The following PCDHA9 variants were observed in gnomAD, a reference collection of about 807,000 sequenced individuals.
The protein encoded by PCDHA9 is protocadherin alpha 9.
A neutral mutation model predicts 62.0 loss-of-function variants in PCDHA9; 62 were observed. That is an observed-to-expected ratio of 1.00 (90% CI 0.81 to 1.23). PCDHA9 has a LOEUF of 1.23. Among genes scored for constraint, PCDHA9 ranks in the 50% most tolerant of loss-of-function variants. The pLI is 0.00. For missense variants in PCDHA9, 1,205 were observed against 1,249.8 expected, an observed-to-expected ratio of 0.96 and a Z score of 0.54; for synonymous variants, 557 against 567.6, an observed-to-expected ratio of 0.98 and a Z score of 0.27.
chr5:140,882,582 A>G (rs1554174663), intron 1 of PCDHA9: 1 of 1,614,114 alleles, frequency 6.2e-7, no homozygotes, highest in East Asian at 2.2e-5. Context: ...TGCAGCATCC[A>G]CCTGGAGGTG....
intron 1 of PCDHA9, among the ~76,000 whole-genome samples, chr5:140,922,818 C>T (rs530870255): frequency 6.6e-6 from 1 of 152,208 alleles, no homozygotes; most frequent in Admixed American, 6.5e-5. Flanking sequence ...GGAGATACAG[C>T]ATACTGCTAA....
chr5:141,011,104 C>G lies in PCDHA9; in HGVS notation c.*1167C>G, dbSNP rs1396728499. The G allele has an allele frequency of 6.5e-6, 1 of 153,844 alleles. No homozygotes were observed. Among genetic ancestry groups the G allele is most frequent in the Non-Finnish European group, 1.5e-5 (1 of 68,020 alleles). The allele number at this position is 153,844 out of a possible 1,614,324, so 9.5% of individuals were successfully genotyped here. A position where few individuals can be genotyped will look rare whatever the true frequency, so the allele number is the denominator to read the frequency against. On this transcript the variant is annotated 3_prime_UTR_variant, in exon 4 of 4. Transcript: ENST00000532602. ...GATCTCTCTTTCTCTCTCTCTCTCT[C>G]TTTTCTAAGAAACAATTATGTGCAC... is the stretch of plus-strand genomic sequence containing the variant.
chr5:140,883,642 C>G (rs200197885), intron 1 of PCDHA9: 55 of 1,613,904 alleles, frequency 3.4e-5, no homozygotes, highest in East Asian at 2.0e-4. Flanking sequence ...TCGCGCAGCC[C>G]GAGTACACGG....
At chr5:140,851,481 C>G in intron 1 of PCDHA9, 1 of 891,038 alleles carries the variant, frequency 1.1e-6, no homozygotes, top group Non-Finnish European at 1.4e-6. Flanking sequence ...ATGTTATAAA[C>G]ACAGCCTTCA....
rs202184948 is a variant in PCDHA9 at position 140,888,065 on chromosome 5, T to C, written c.2394+37176T>C. 4.6e-5 allele frequency among the ~76,000 whole-genome samples: 7 copies of C among 152,338 alleles called. No homozygotes were observed. The East Asian group carries it at 5.8e-4, about 13-fold the overall frequency. On this transcript the variant is annotated intron_variant, in intron 1 of 3. Transcript: ENST00000532602. Reference sequence around the variant, plus strand: ...TATAATAGATGTTTTAACTTTCTTGTCTGCTAATTTCAACATTTTTGTCCT... The same window carrying C: ...TATAATAGATGTTTTAACTTTCTTGCCTGCTAATTTCAACATTTTTGTCCT...
chr5:140,864,887 G>T (rs2048644726), intron 1 of PCDHA9: 1 of 152,148 alleles, frequency 6.6e-6, no homozygotes, highest in African/African-American at 2.4e-5. Flanking sequence ...TGTTCATTAA[G>T]CTGCATGGTC....
At chr5:140,913,203 G>A (rs2076251339) in intron 1 of PCDHA9, among the ~76,000 whole-genome samples, 1 of 152,182 alleles carries the variant, frequency 6.6e-6, no homozygotes, top group African/African-American at 2.4e-5. Flanking sequence ...TGGCAGTGAA[G>A]CCAATGGGTC....
rs1307653192 is a variant in PCDHA9, at chr5:141,009,883, G to C, written c.2799G>C (p.Lys933Asn). 1.2e-6 allele frequency: 2 copies of C among 1,613,212 alleles called. No individual in the cohort carries two copies. Among genetic ancestry groups the C allele is most frequent in the Non-Finnish European group, 1.7e-6 (2 of 1,179,888 alleles). Reference sequence around the variant, plus strand: ...AGAAGAAAAAGAAGAAGGGTAACAAGACCCAGGAGAAAAAAGAGAAAGGGA... The same window carrying C: ...AGAAGAAAAAGAAGAAGGGTAACAACACCCAGGAGAAAAAAGAGAAAGGGA... ...KKKKKKKKGNKTQEKKEKGNS... is the reference protein window; with the variant it reads ...KKKKKKKKGNNTQEKKEKGNS... The change falls in exon 4 of 4, where the codon AAG becomes AAC. Residue 933 changes from lysine (K) to asparagine (N), a missense_variant. Coordinates refer to ENST00000532602, the MANE Select transcript of PCDHA9 (RefSeq NM_031857.2).
At chr5:140,969,766 C>A (rs1384743731) in intron 1 of PCDHA9, among the ~76,000 whole-genome samples, 2 of 152,130 alleles carry the variant, frequency 1.3e-5, no homozygotes, top group Non-Finnish European at 1.5e-5. Context: ...AGCTCTGAGG[C>A]CTCTAGGGGC....
At chr5:140,966,922 G>C (rs782206344) in intron 1 of PCDHA9, 7 of 1,602,954 alleles carry the variant, frequency 4.4e-6, no homozygotes, top group Non-Finnish European at 5.9e-6. Context: ...CAGAGGAGCA[G>C]GCACCCGGCG....
At chr5:140,887,767 A>G (rs782237653) in intron 1 of PCDHA9, among the ~76,000 whole-genome samples, 6 of 152,194 alleles carry the variant, frequency 3.9e-5, no homozygotes, top group African/African-American at 7.2e-5. Context: ...CATATGTTAC[A>G]ATGACACAGG....
At chr5:140,877,468 C>T in intron 1 of PCDHA9, 1 of 1,613,808 alleles carries the variant, frequency 6.2e-7, no homozygotes, top group Non-Finnish European at 8.5e-7. Context: ...GGCCACGGTG[C>T]TGGTGTCGCT....
intron 3 of PCDHA9, among the ~76,000 whole-genome samples, chr5:141,005,923 G>A (rs1424300772): frequency 6.6e-6 from 1 of 151,914 alleles, no homozygotes; most frequent in East Asian, 1.9e-4. Context: ...CTTCAGCCTG[G>A]TTGACAGAGT....
chr5:140,848,439 G>A lies in PCDHA9; in HGVS notation c.-57G>A, dbSNP rs2150410405. On this transcript the variant is annotated 5_prime_UTR_variant, in exon 1 of 4. An upstream start codon of the reference 5' UTR is lost. Transcript: ENST00000532602. ...CAGAATGGGACTGACGAAATCAGAT[G>A]ATTTCTTCTAATTTGGAGGCAATTT... 6.7e-7 allele frequency: 1 copy of A among 1,486,148 alleles called. No individual in the cohort carries two copies. The highest frequency in any genetic ancestry group is 1.4e-5 in the African/African-American group (1 of 72,144). 92.1% of individuals were successfully genotyped at this position (1,486,148 alleles called of 1,614,324 possible). A position where few individuals can be genotyped will look rare whatever the true frequency, so the allele number is the denominator to read the frequency against.
chr5:140,952,977 C>T (rs148504111), intron 1 of PCDHA9, among the ~76,000 whole-genome samples: 2 of 152,182 alleles, frequency 1.3e-5, no homozygotes, highest in East Asian at 3.9e-4. Context: ...TTTTAAACAA[C>T]AAGATCTCAT....
intron 1 of PCDHA9, chr5:140,882,849 T>A: frequency 1.2e-6 from 2 of 1,614,242 alleles, no homozygotes; most frequent in Non-Finnish European, 1.7e-6. Flanking sequence ...TCATTATCAC[T>A]TGTACTGAGG....
rs545349225 is a variant in PCDHA9, at chr5:140,969,608, C to T, written c.2395-9341C>T. On this transcript the variant is annotated intron_variant, in intron 1 of 3. Coordinates refer to ENST00000532602, the MANE Select transcript of PCDHA9 (RefSeq NM_031857.2). ...AGTCTTAATATTTAATGCTAAAACA[C>T]AGATTTGTAGAGAAACAGGACAGGC... 646 of 747,324 alleles carry T rather than the reference C, an allele frequency of 8.6e-4. 1 individual carries two copies. Among genetic ancestry groups the T allele is most frequent in the Middle Eastern group, 3.2e-3 (8 of 2,532 alleles). The allele number at this position is 747,324 out of a possible 1,614,324, so 46.3% of individuals were successfully genotyped here. A position where few individuals can be genotyped will look rare whatever the true frequency, so the allele number is the denominator to read the frequency against.
intron 3 of PCDHA9, among the ~76,000 whole-genome samples, chr5:141,008,684 G>A (rs1426948038): frequency 2.0e-5 from 3 of 152,236 alleles, no homozygotes; most frequent in South Asian, 4.2e-4. Flanking sequence ...TTTAGTTATT[G>A]CATGTATTAA....
chr5:140,876,919 GA>G, intron 1 of PCDHA9: 2 of 1,613,952 alleles, frequency 1.2e-6, no homozygotes, highest in Non-Finnish European at 1.7e-6. Context: ...ATGGGACGCG[GA>G]CGCGCAGAAG....
Sources: gnomAD v4.1 joint callset for allele counts (sites outside exome capture counted in the v4.1 genomes callset) on GRCh38, gnomAD v4.1.1 for gene constraint, MANE v1.5 for transcripts, NCBI Gene and HGNC (gene_info 2026-07-23, HGNC 2026-07-21) for gene names.